The following SYT1 variants were observed in gnomAD, a reference collection of about 807,000 sequenced individuals.
The protein encoded by SYT1 is synaptotagmin 1.
SYT1 carries 8 observed loss-of-function variants against 44.8 expected under a neutral mutation model. That is an observed-to-expected ratio of 0.18 (90% CI 0.10 to 0.32). The LOEUF (loss-of-function observed/expected upper bound fraction) is 0.32. Among genes scored for constraint, SYT1 ranks in the 10% least tolerant of loss-of-function variants. SYT1 has a pLI of 1.00. For synonymous variants in SYT1, 154 were observed against 188.8 expected (o/e 0.82, Z 1.51); for missense variants, 286 against 509.3 (o/e 0.56, Z 4.22).
At chr12:79,241,315 G>A (rs1592888169) in intron 4 of SYT1, among the ~76,000 whole-genome samples, 3 of 151,962 alleles carry the variant, frequency 2.0e-5, no homozygotes, top group South Asian at 4.1e-4. Flanking sequence ...CTGTCACCCA[G>A]GCTGGAGTGC....
chr12:79,117,282 C>T (rs900147275), intron 3 of SYT1, among the ~76,000 whole-genome samples: 1 of 152,006 alleles, frequency 6.6e-6, no homozygotes, highest in African/African-American at 2.4e-5. Flanking sequence ...AGCAGGTTTT[C>T]ACTTTGCATT....
At chr12:79,297,094 A>G (rs1466781422) in intron 7 of SYT1, among the ~76,000 whole-genome samples, 2 of 152,220 alleles carry the variant, frequency 1.3e-5, no homozygotes, top group African/African-American at 2.4e-5. Context: ...TCTGGGATGA[A>G]ATAAATTGAA....
chr12:79,060,185 C>T (rs1490953033), intron 3 of SYT1, among the ~76,000 whole-genome samples: 1 of 152,100 alleles, frequency 6.6e-6, no homozygotes, highest in Non-Finnish European at 1.5e-5. Flanking sequence ...AGTAACTTTA[C>T]TAAAAGTTCT....
At chr12:79,348,472 G>T (rs1174332152) in intron 8 of SYT1, among the ~76,000 whole-genome samples, 1 of 152,160 alleles carries the variant, frequency 6.6e-6, no homozygotes, top group African/African-American at 2.4e-5. Flanking sequence ...CATGTGGTCA[G>T]GTTCAAAATA....
At position 79,313,602 on chromosome 12, in the gene SYT1, GCAA is replaced by G. The variant is rs1194211937; in HGVS notation, c.810+14052_810+14054del. ...TTATGTTGAAATACAGTTTTAAAAA[GCAA>G]AAAAAAAAAAAAACAAAATAAAAGA... On this transcript the variant is annotated intron_variant, in intron 8 of 10. Coordinates refer to ENST00000261205, the MANE Select transcript of SYT1 (RefSeq NM_005639.3). Among the ~76,000 whole-genome samples, 228 of 91,774 alleles carry G rather than the reference GCAA, an allele frequency of 2.5e-3. 1 individual carries two copies. The highest frequency in any genetic ancestry group is 8.7e-3 in the African/African-American group (217 of 24,972). 60.2% of individuals were successfully genotyped at this position (91,774 alleles called of 152,430 possible).
chr12:79,243,816 G>A (rs1414415808), intron 4 of SYT1, among the ~76,000 whole-genome samples: 1 of 151,066 alleles, frequency 6.6e-6, no homozygotes, highest in Non-Finnish European at 1.5e-5. Context: ...GAGGAAAGGA[G>A]GGAAGGAAAA....
chr12:79,372,212 G>A (rs549735465), intron 9 of SYT1, among the ~76,000 whole-genome samples: 9 of 152,138 alleles, frequency 5.9e-5, no homozygotes, highest in Admixed American at 3.9e-4. Context: ...ATCTAGCATC[G>A]CCTAGCACAT....
intron 2 of SYT1, among the ~76,000 whole-genome samples, chr12:79,039,994 T>G (rs1471871937): frequency 1.3e-5 from 2 of 150,114 alleles, no homozygotes; most frequent in Admixed American, 6.6e-5. Context: ...GGTGTATATG[T>G]GCCACATTTT....
intron 2 of SYT1, among the ~76,000 whole-genome samples, chr12:78,998,342 G>A (rs1043065303): frequency 6.6e-6 from 1 of 152,136 alleles, no homozygotes; most frequent in Non-Finnish European, 1.5e-5. Flanking sequence ...ATACTCATTG[G>A]AAGATAACCC....
intron 2 of SYT1, among the ~76,000 whole-genome samples, chr12:79,027,800 A>G (rs1872620905): frequency 6.6e-6 from 1 of 151,616 alleles, no homozygotes; most frequent in Admixed American, 6.6e-5. Flanking sequence ...GCAATATAAA[A>G]GCATAGCACC....
At chr12:78,963,085 C>T (rs376004632) in intron 1 of SYT1, among the ~76,000 whole-genome samples, 380 of 152,158 alleles carry the variant, frequency 2.5e-3, no homozygotes, top group Non-Finnish European at 4.1e-3. Context: ...TGTCTTATTT[C>T]ACTTAGTGTA....
chr12:79,303,399 A>C (rs560775345), intron 8 of SYT1, among the ~76,000 whole-genome samples: 44 of 152,204 alleles, frequency 2.9e-4, no homozygotes, highest in African/African-American at 8.9e-4. Context: ...AGAAAAAAAA[A>C]CTAAGCCTTT....
chr12:79,307,207 T>C (rs1005729491), intron 8 of SYT1, among the ~76,000 whole-genome samples: 3 of 152,136 alleles, frequency 2.0e-5, no homozygotes, highest in African/African-American at 7.2e-5. Flanking sequence ...CTAGTTGTAC[T>C]ACAGAATAAG....
chr12:79,350,201 G>C (rs1254888316), intron 8 of SYT1, among the ~76,000 whole-genome samples: 1 of 151,816 alleles, frequency 6.6e-6, no homozygotes, highest in East Asian at 1.9e-4. Context: ...CTGCCGTGAG[G>C]GTCCTTCTTG....
chr12:79,158,574 G>A (rs769855075), intron 3 of SYT1, among the ~76,000 whole-genome samples: 1 of 151,986 alleles, frequency 6.6e-6, no homozygotes, highest in African/African-American at 2.4e-5. Flanking sequence ...CCTTTCAGGG[G>A]AACCAGGAAA....
At chr12:79,018,168 A>C (rs1871934213) in intron 2 of SYT1, among the ~76,000 whole-genome samples, 1 of 151,906 alleles carries the variant, frequency 6.6e-6, no homozygotes, top group African/African-American at 2.4e-5. Context: ...GCAGCCATAA[A>C]AAATGATGAG....
chr12:79,140,231 G>A (rs938434922), intron 3 of SYT1, among the ~76,000 whole-genome samples: 2 of 152,118 alleles, frequency 1.3e-5, no homozygotes, highest in Non-Finnish European at 2.9e-5. Flanking sequence ...AAATCTGCAT[G>A]CTTCCATTAT....
At chr12:78,947,522 T>TAAAAAAAAAAA (rs71441942) in intron 1 of SYT1, among the ~76,000 whole-genome samples, 1 of 142,592 alleles carries the variant, frequency 7.0e-6, no homozygotes. Flanking sequence ...TTGAATCTAG[T>TAAAAAAAAAAA]AAAAAAAAAA....
chr12:79,276,423 A>G (rs897231363), intron 4 of SYT1, among the ~76,000 whole-genome samples: 43 of 152,286 alleles, frequency 2.8e-4, no homozygotes, highest in African/African-American at 9.9e-4. Flanking sequence ...CATGCCTGTA[A>G]TTCCAGCACT....
Sources: allele counts gnomAD v4.1 joint callset (sites outside exome capture counted in the v4.1 genomes callset), GRCh38; gene constraint gnomAD v4.1.1; transcripts MANE v1.5; gene names NCBI Gene and HGNC (gene_info 2026-07-23, HGNC 2026-07-21).